The following KIF21A variants were observed in gnomAD, a reference collection of about 807,000 sequenced individuals.
KIF21A encodes the protein kinesin family member 21A, also known as kinesin-like protein KIF21A.
In KIF21A, 114 loss-of-function variants were observed where a neutral mutation model predicts 202.9. The ratio of observed to expected loss-of-function variants is 0.56; its 90% CI spans 0.48 to 0.66. The LOEUF (loss-of-function observed/expected upper bound fraction) is 0.66. Among genes scored for constraint, KIF21A ranks in the 30% least tolerant of loss-of-function variants. KIF21A has a pLI of 0.00. For missense variants in KIF21A, 1,677 were observed against 1,994.9 expected, an observed-to-expected ratio of 0.84 and a Z score of 3.04; for synonymous variants, 667 against 670.8, an observed-to-expected ratio of 0.99 and a Z score of 0.09.
intron 25 of KIF21A, 45 bp from the exon 26 acceptor site, chr12:39,325,938 A>G: frequency 6.6e-7 from 1 of 1,505,630 alleles, no homozygotes; most frequent in South Asian, 1.1e-5. Context: ...ATAGAAAATT[A>G]TTATAGAAAA....
intron 26 of KIF21A, among the ~76,000 whole-genome samples, chr12:39,324,848 GTAT>G (rs1165645073): frequency 1.3e-5 from 2 of 152,088 alleles, no homozygotes; most frequent in African/African-American, 4.8e-5. Context: ...CCATTGCACA[GTAT>G]TATTATTTCA....
In KIF21A at chr12:39,322,848, A is replaced by G; in HGVS notation, c.3491T>C (p.Leu1164Pro). The change falls in exon 27 of 38, where the codon CTG becomes CCG. Residue 1164 changes from leucine to proline, a missense_variant. Physicochemically the swap from Leu to Pro is moderately conservative, Grantham distance 98 (BLOSUM62 -3). Around this residue, in one of 3 missense-constraint regions of KIF21A, gnomAD observed 705 missense variants for 791.9 expected, o/e 0.89. Transcript: ENST00000361418. ...AGCTAGTTCACTGCTATCTGCATAC[A>G]GCAATTCCATCTGAGTGGTGGTTCT... ...RRRTTTQMEL[L>P]YADSSELASD... The G allele has an allele frequency of 1.9e-6, 3 of 1,589,776 alleles. No homozygotes were observed. The highest frequency in any genetic ancestry group is 1.4e-5 in the African/African-American group (1 of 72,726).
intron 1 of KIF21A, among the ~76,000 whole-genome samples, chr12:39,441,660 T>TAAACAAAAAA (rs1939603423): frequency 2.6e-5 from 1 of 37,788 alleles, no homozygotes; most frequent in Non-Finnish European, 5.6e-5. Context: ...CCCTGGGTGG[T>TAAACAAAAAA]AAAAAAAAAA....
At chr12:39,359,347 A>G (rs1949027665) in intron 7 of KIF21A, among the ~76,000 whole-genome samples, 1 of 151,986 alleles carries the variant, frequency 6.6e-6, no homozygotes, top group South Asian at 2.1e-4. Flanking sequence ...GCCTCCTCAC[A>G]CCTTTTGGAT....
chr12:39,370,218 T>C lies in KIF21A; in HGVS notation c.88A>G (p.Ile30Val), dbSNP rs530120375. ...TCTCCTGGTGTGACAGATGTACAAA[T>C]ATGGCATCCTTCAATCTTCTCTTTG... The part of the protein sequence containing the change: ...LAKEKIEGCH[I>V]CTSVTPGEPQ... The change falls in exon 2 of 38, where the codon ATT (isoleucine) becomes GTT (valine). Residue 30 changes from isoleucine (I) to valine (V), a missense_variant. This residue lies in a region of KIF21A where 966 missense variants were observed against 1,180.9 expected (regional missense o/e 0.82). Transcript: ENST00000361418. 1.2e-6 allele frequency: 2 copies of C among 1,613,682 alleles called. No homozygotes were observed. The highest frequency in any genetic ancestry group is 2.2e-5 in the East Asian group (1 of 44,834).
chr12:39,379,253 AG>A (rs1192537684), intron 1 of KIF21A, among the ~76,000 whole-genome samples: 1 of 151,468 alleles, frequency 6.6e-6, no homozygotes, highest in Non-Finnish European at 1.5e-5. Flanking sequence ...GCTTGAACAT[AG>A]GAGGCAGAGG....
At position 39,311,491 on chromosome 12, in the gene KIF21A, T is replaced by C; in HGVS notation, c.4022A>G (p.His1341Arg). 6.2e-7 allele frequency: 1 copy of C among 1,613,176 alleles called. No individual in the cohort carries two copies. The highest frequency in any genetic ancestry group is 8.5e-7 in the Non-Finnish European group (1 of 1,179,248). Residue 1341 changes from histidine (H) to arginine (R), a missense_variant, in exon 32 of 38, where the codon CAC (histidine) becomes CGC (arginine). By Grantham distance (29) the His-to-Arg change is conservative. Around this residue, in one of 3 missense-constraint regions of KIF21A, gnomAD observed 705 missense variants for 791.9 expected, o/e 0.89. Transcript: ENST00000361418. ...GIRAFPLQCI[H>R]IAEGHTKAVL... is the part of the protein sequence containing the mutation. ...AGCTTTTGTATGCCCTTCAGCTATG[T>C]GAATACACTGAAGTGGAAAAGCTCT...
At chr12:39,413,956 A>T (rs1215438705) in intron 1 of KIF21A, among the ~76,000 whole-genome samples, 1 of 152,208 alleles carries the variant, frequency 6.6e-6, no homozygotes, top group East Asian at 1.9e-4. Context: ...GACAGATAAG[A>T]TCAACAAAAT....
chr12:39,315,342 A>ACCTTACAG, intron 30 of KIF21A, 102 bp from the exon 31 acceptor site: 1 of 1,074,118 alleles, frequency 9.3e-7, no homozygotes, highest in Non-Finnish European at 1.4e-6. Context: ...AGAGAGAAAG[A>ACCTTACAG]GAAAGAGAAG....
At chr12:39,401,183 G>C (rs1217480083) in intron 1 of KIF21A, among the ~76,000 whole-genome samples, 1 of 152,074 alleles carries the variant, frequency 6.6e-6, no homozygotes, top group Non-Finnish European at 1.5e-5. Context: ...AATCATAAGT[G>C]CTCTAGGAAC....
At position 39,347,807 on chromosome 12, in the gene KIF21A, G is replaced by A. The variant is rs115084322; in HGVS notation, c.1674-1303C>T. The stretch of plus-strand genomic sequence containing the variant: ...ACCCAACACCACTAAATACAAATCA[G>A]TGCAGTCTGATCGATGAGTGAAGTT... On this transcript the variant is annotated intron_variant, in intron 11 of 37. Transcript: ENST00000361418. Among the ~76,000 whole-genome samples, 820 of 152,128 alleles carry A rather than the reference G, an allele frequency of 5.4e-3. 10 individuals carry two copies. Among genetic ancestry groups the A allele is most frequent in the African/African-American group, 0.018 (766 of 41,540 alleles).
intron 37 of KIF21A, among the ~76,000 whole-genome samples, chr12:39,295,772 C>T (rs185367455): frequency 2.0e-4 from 29 of 142,784 alleles, no homozygotes; most frequent in African/African-American, 7.0e-4. Flanking sequence ...GATCTCGGCT[C>T]CTCTGCGCAA....
chr12:39,315,141 A>C, intron 31 of KIF21A, 88 bp downstream of exon 31: 2 of 1,286,600 alleles, frequency 1.6e-6, no homozygotes, highest in Non-Finnish European at 1.1e-6. Context: ...GAGAGAAAAA[A>C]ATAAACACTT....
intron 37 of KIF21A, among the ~76,000 whole-genome samples, chr12:39,295,022 A>C (rs76904460): frequency 0.12 from 17,767 of 152,212 alleles, 1,067 homozygotes; most frequent in East Asian, 0.14. Context: ...AAGCTGGGGC[A>C]GGGTTTCTAG....
chr12:39,393,097 G>A (rs892521995), intron 1 of KIF21A, among the ~76,000 whole-genome samples: 79 of 150,356 alleles, frequency 5.3e-4, no homozygotes, highest in African/African-American at 1.7e-3. Context: ...CCAGTTTTTG[G>A]TCTTCTGAAG....
chr12:39,346,340 T>A (rs1947887313), intron 12 of KIF21A, 126 bp downstream of exon 12: 1 of 489,702 alleles, frequency 2.0e-6, no homozygotes, highest in African/African-American at 2.0e-5. Flanking sequence ...AAAATCAGCA[T>A]TACTTTTAGG....
intron 1 of KIF21A, among the ~76,000 whole-genome samples, chr12:39,421,602 A>G (rs1270240918): frequency 6.6e-6 from 1 of 151,738 alleles, no homozygotes; most frequent in Non-Finnish European, 1.5e-5. Flanking sequence ...CTGAGGCAGG[A>G]GAATTGCTTA....
chr12:39,332,800 A>C, intron 19 of KIF21A, 56 bp from the exon 20 acceptor site: 1 of 1,606,814 alleles, frequency 6.2e-7, no homozygotes, highest in Non-Finnish European at 8.5e-7. Flanking sequence ...TTGATTGTGC[A>C]CTGCCAAATA....
chr12:39,387,466 T>A (rs1016758991), intron 1 of KIF21A, among the ~76,000 whole-genome samples: 11 of 152,300 alleles, frequency 7.2e-5, no homozygotes, highest in South Asian at 2.1e-4. Flanking sequence ...CTAACAAAGA[T>A]CTTTTTCTAC....
Sources: gnomAD v4.1 joint callset for allele counts (sites outside exome capture counted in the v4.1 genomes callset) on GRCh38, gnomAD v4.1.1 for gene constraint, gnomAD v4.1.1 regional missense constraint, MANE v1.5 for transcripts, NCBI Gene and HGNC (gene_info 2026-07-23, HGNC 2026-07-21) for gene names.